The following PDE1A variants were observed in gnomAD, a reference collection of about 807,000 sequenced individuals.
PDE1A encodes phosphodiesterase 1A.
Under a neutral mutation model 61.7 loss-of-function variants are expected in PDE1A, and 35 were observed. The observed-to-expected ratio is 0.57, with a 90% CI of 0.43 to 0.75. The LOEUF (loss-of-function observed/expected upper bound fraction) is 0.75. Among genes scored for constraint, PDE1A ranks in the 30% least tolerant of loss-of-function variants. The probability of loss-of-function intolerance (pLI) is 0.00; values close to 1 mark genes in which losing one functional copy is unlikely to be tolerated. For synonymous variants in PDE1A, 232 were observed against 213.2 expected (o/e 1.09, Z -0.77); for missense variants, 597 against 630.6 (o/e 0.95, Z 0.57).
the PDE1A span, among the ~76,000 whole-genome samples, chr2:182,705,547 C>T: frequency 6.6e-6 from 1 of 151,672 alleles, no homozygotes; most frequent in East Asian, 2.0e-4. Flanking sequence ...GCTCTGTCAC[C>T]AAGGCTGGAG....
intron 13 of PDE1A, among the ~76,000 whole-genome samples, chr2:182,173,182 A>G (rs770901009): frequency 5.9e-5 from 9 of 151,982 alleles, no homozygotes; most frequent in South Asian, 2.1e-4. Context: ...TAAATGCACA[A>G]AAGTGTTCTA....
At chr2:182,368,089 C>T (rs772553491) in intron 1 of PDE1A, among the ~76,000 whole-genome samples, 10 of 152,276 alleles carry the variant, frequency 6.6e-5, no homozygotes, top group South Asian at 6.2e-4. Context: ...TCTCATCTAT[C>T]TCCACCTACT....
chr2:182,603,775 A>G, the PDE1A span, among the ~76,000 whole-genome samples: 1 of 152,224 alleles, frequency 6.6e-6, no homozygotes, highest in African/African-American at 2.4e-5. Context: ...TTTTTTAAAA[A>G]AAGAACTCAG....
intron 2 of PDE1A, among the ~76,000 whole-genome samples, chr2:182,488,774 C>T (rs2125872467): frequency 6.6e-6 from 1 of 152,272 alleles, no homozygotes; most frequent in South Asian, 2.1e-4. Context: ...GAAACTTGCC[C>T]TTACAGAAAT....
rs188073100 is a variant in PDE1A, at chr2:182,520,295, A to G, written c.101+1981T>C. Among the ~76,000 whole-genome samples, 3 of 152,060 alleles carry G rather than the reference A, an allele frequency of 2.0e-5. No individual in the cohort carries two copies. The East Asian group carries it at 5.8e-4, about 29-fold the overall frequency. On this transcript the variant is annotated intron_variant, in intron 2 of 14. Coordinates refer to the PDE1A transcript ENST00000410103. ...AGCCTTGAACACTGAAAATGTACTA[A>G]GTCAAAGTACAAGTTAAAGTGATAG...
At chr2:182,472,954 TA>T (rs749670482) in intron 2 of PDE1A, among the ~76,000 whole-genome samples, 60 of 151,488 alleles carry the variant, frequency 4.0e-4, no homozygotes, top group African/African-American at 5.3e-4. Context: ...TTTTTTTTTT[TA>T]AATTTTTTAT....
At chr2:182,532,840 C>T in the PDE1A span, among the ~76,000 whole-genome samples, 1 of 142,266 alleles carries the variant, frequency 7.0e-6, no homozygotes, top group African/African-American at 2.6e-5. Context: ...CCCAGCTACT[C>T]GGGAGGCTGA....
At chr2:182,292,087 C>T (rs545481683) in intron 1 of PDE1A, among the ~76,000 whole-genome samples, 16 of 152,070 alleles carry the variant, frequency 1.1e-4, no homozygotes, top group African/African-American at 3.4e-4. Flanking sequence ...ATAAATGTCT[C>T]TATGATAAAG....
intron 4 of PDE1A, among the ~76,000 whole-genome samples, chr2:182,232,420 C>T (rs773734133): frequency 1.3e-5 from 2 of 152,110 alleles, no homozygotes; most frequent in Admixed American, 6.6e-5. Context: ...AAATTTCATT[C>T]AACACATTTT....
At chr2:182,247,345 T>C (rs1691049364) in intron 2 of PDE1A, among the ~76,000 whole-genome samples, 1 of 152,180 alleles carries the variant, frequency 6.6e-6, no homozygotes, top group Non-Finnish European at 1.5e-5. Flanking sequence ...ATTTATCACA[T>C]AGAGAAGAGT....
intron 7 of PDE1A, among the ~76,000 whole-genome samples, chr2:182,218,645 C>G (rs537601310): frequency 5.3e-5 from 8 of 152,076 alleles, no homozygotes; most frequent in African/African-American, 1.9e-4. Context: ...CTCTCTATTC[C>G]TAGTTGGAGT....
At chr2:182,295,638 T>C (rs1166771222) in intron 1 of PDE1A, among the ~76,000 whole-genome samples, 1 of 152,014 alleles carries the variant, frequency 6.6e-6, no homozygotes, top group Non-Finnish European at 1.5e-5. Context: ...AGTTCCCTGA[T>C]ATTATTCTGA....
intron 2 of PDE1A, among the ~76,000 whole-genome samples, chr2:182,466,569 G>A (rs568992851): frequency 1.3e-5 from 2 of 152,104 alleles, no homozygotes; most frequent in South Asian, 2.1e-4. Context: ...CTGGAGAGGT[G>A]AGGATGGAAA....
At chr2:182,511,100 T>C (rs555300053) in intron 2 of PDE1A, among the ~76,000 whole-genome samples, 9 of 152,282 alleles carry the variant, frequency 5.9e-5, no homozygotes, top group African/African-American at 2.2e-4. Context: ...TCAACTTAAT[T>C]AATTCTCTCA....
intron 1 of PDE1A, among the ~76,000 whole-genome samples, chr2:182,281,115 G>A (rs942180142): frequency 1.1e-4 from 17 of 151,936 alleles, no homozygotes; most frequent in Non-Finnish European, 2.2e-4. Context: ...ATAGTAGGAA[G>A]AATCAAGTTT....
chr2:182,684,390 T>C, the PDE1A span, among the ~76,000 whole-genome samples: 5 of 152,152 alleles, frequency 3.3e-5, no homozygotes, highest in African/African-American at 4.8e-5. Context: ...GCTACATAAA[T>C]ATTTAAACTA....
At chr2:182,267,429 GCA>G (rs67567300) in intron 1 of PDE1A, among the ~76,000 whole-genome samples, 55,611 of 146,580 alleles carry the variant, frequency 0.38, 10,959 homozygotes, top group East Asian at 0.62. Flanking sequence ...ATGCACACAT[GCA>G]CACACACACA....
intron 7 of PDE1A, among the ~76,000 whole-genome samples, chr2:182,214,246 A>C (rs1229412034): frequency 4.6e-5 from 7 of 151,924 alleles, no homozygotes; most frequent in African/African-American, 1.7e-4. Flanking sequence ...GCCTGCCCTA[A>C]AAGAGCTCCT....
intron 2 of PDE1A, among the ~76,000 whole-genome samples, chr2:182,496,633 G>C (rs182176070): frequency 3.3e-5 from 5 of 152,356 alleles, no homozygotes; most frequent in Non-Finnish European, 7.3e-5. Flanking sequence ...GCAAAGTGAG[G>C]AAGAGCCATC....
Sources: allele counts gnomAD v4.1 joint callset (sites outside exome capture counted in the v4.1 genomes callset), GRCh38; gene constraint gnomAD v4.1.1; transcripts MANE v1.5; gene names NCBI Gene and HGNC (gene_info 2026-07-23, HGNC 2026-07-21).